Variants in PDZD2 observed in about 807,000 individuals in gnomAD.
PDZD2 encodes PDZ domain containing 2, also known as PDZ domain-containing protein 2.
Under a neutral mutation model 220.7 loss-of-function variants are expected in PDZD2, and 90 were observed. The observed-to-expected ratio is 0.41, with a 90% confidence interval of 0.34 to 0.49. The LOEUF (loss-of-function observed/expected upper bound fraction) is 0.49, where lower values mean the gene tolerates loss of function less well. PDZD2 is among the 20% of genes least tolerant of loss of function. The pLI, the probability that PDZD2 is intolerant of heterozygous loss-of-function variation, is 0.28. For synonymous variants in PDZD2, 1,375 were observed against 1,450.5 expected (o/e 0.95, Z 1.18); for missense variants, 3,174 against 3,608.5 (o/e 0.88, Z 3.08).
chr5:31,933,786 G>A (rs997046450), intron 2 of PDZD2, among the ~76,000 whole-genome samples: 2 of 152,046 alleles, frequency 1.3e-5, no homozygotes, highest in African/African-American at 4.8e-5. Flanking sequence ...TGATCTTCAG[G>A]GTCCCTCCCG....
intron 6 of PDZD2, among the ~76,000 whole-genome samples, chr5:32,025,526 A>AAAACAAAC (rs148530473): frequency 7.1e-6 from 1 of 140,174 alleles, no homozygotes; most frequent in Non-Finnish European, 1.5e-5. Flanking sequence ...ACTCTGTCAC[A>AAAACAAAC]AAACAAACAA....
At chr5:31,664,190 T>TG (rs986911309) in intron 1 of PDZD2, among the ~76,000 whole-genome samples, 8 of 152,078 alleles carry the variant, frequency 5.3e-5, no homozygotes, top group African/African-American at 1.9e-4. Flanking sequence ...TTTTTTGAGA[T>TG]GGGGGTCTTG....
chr5:31,786,798 G>A (rs981648107), intron 1 of PDZD2, among the ~76,000 whole-genome samples: 11 of 152,220 alleles, frequency 7.2e-5, no homozygotes, highest in African/African-American at 2.7e-4. Flanking sequence ...TAGTGGCAGA[G>A]TGTATTACTG....
At chr5:31,839,484 A>G (rs1757141223) in intron 2 of PDZD2, among the ~76,000 whole-genome samples, 1 of 152,222 alleles carries the variant, frequency 6.6e-6, no homozygotes, top group Non-Finnish European at 1.5e-5. Flanking sequence ...AAGGTTTAGA[A>G]CTGAGATCTG....
chr5:31,794,844 G>A (rs1212752132), intron 1 of PDZD2, among the ~76,000 whole-genome samples: 2 of 152,178 alleles, frequency 1.3e-5, no homozygotes, highest in Non-Finnish European at 1.5e-5. Flanking sequence ...TTAGGTGAAG[G>A]TCGAAGAACT....
intron 1 of PDZD2, among the ~76,000 whole-genome samples, chr5:31,706,130 A>G (rs1311968772): frequency 2.0e-5 from 3 of 152,200 alleles, no homozygotes; most frequent in Admixed American, 6.5e-5. Context: ...TGGATCCCAC[A>G]CAACTGGATT....
intron 1 of PDZD2, among the ~76,000 whole-genome samples, chr5:31,779,579 T>A (rs1417698151): frequency 6.6e-6 from 1 of 151,960 alleles, no homozygotes; most frequent in African/African-American, 2.4e-5. Context: ...TTCACCATGT[T>A]AGCCAGGATG....
At chr5:31,819,131 CT>C (rs1313578045) in intron 2 of PDZD2, among the ~76,000 whole-genome samples, 2 of 152,224 alleles carry the variant, frequency 1.3e-5, no homozygotes, top group African/African-American at 4.8e-5. Flanking sequence ...TACAAGTACT[CT>C]GTTAATGTCT....
At chr5:31,861,039 TAAAGG>T (rs1737659919) in intron 2 of PDZD2, among the ~76,000 whole-genome samples, 1 of 151,298 alleles carries the variant, frequency 6.6e-6, no homozygotes, top group South Asian at 2.1e-4. Context: ...CAATAAAGAG[TAAAGG>T]AAAGTCTGTC....
In PDZD2 at chr5:32,076,671, A is replaced by G. The variant is rs183215748; in HGVS notation, c.3538-791A>G. Among the ~76,000 whole-genome samples, 34 of 152,356 alleles carry G rather than the reference A, an allele frequency of 2.2e-4. No individual in the cohort carries two copies. The East Asian group carries it at 6.4e-3, about 28-fold the overall frequency. On this transcript the variant is annotated intron_variant, in intron 18 of 24. Transcript: ENST00000438447. The stretch of plus-strand genomic sequence containing the variant: ...GAAATTAACCATTTTGAAATGTACA[A>G]GTCAATGGCACTTAGTACATTCAGA...
chr5:32,050,971 G>A (rs180712667), intron 8 of PDZD2, among the ~76,000 whole-genome samples: 1 of 152,266 alleles, frequency 6.6e-6, no homozygotes, highest in Non-Finnish European at 1.5e-5. Flanking sequence ...GGCTAGTGGG[G>A]GGTGTATTTT....
intron 1 of PDZD2, among the ~76,000 whole-genome samples, chr5:31,690,399 G>A (rs1747070047): frequency 6.6e-6 from 1 of 152,130 alleles, no homozygotes; most frequent in African/African-American, 2.4e-5. Flanking sequence ...TCAGGATGGT[G>A]TCCTGGGCAT....
intron 6 of PDZD2, among the ~76,000 whole-genome samples, chr5:32,018,481 C>T (rs1753944689): frequency 6.6e-6 from 1 of 152,216 alleles, no homozygotes; most frequent in Non-Finnish European, 1.5e-5. Context: ...AAGCACAGAT[C>T]CCCCAACCTG....
intron 2 of PDZD2, among the ~76,000 whole-genome samples, chr5:31,909,890 G>A (rs1189098221): frequency 2.6e-5 from 4 of 152,052 alleles, no homozygotes; most frequent in African/African-American, 7.2e-5. Context: ...ATTCATGTAC[G>A]GTGCTGTCAC....
intron 2 of PDZD2, among the ~76,000 whole-genome samples, chr5:31,907,338 G>C (rs1742746519): frequency 6.6e-6 from 1 of 152,210 alleles, no homozygotes; most frequent in Non-Finnish European, 1.5e-5. Context: ...GAAGCAAGCT[G>C]TCTGGCATCT....
chr5:32,025,591 C>CTTTTTTTTTTTTTTTTTTT lies in PDZD2; in HGVS notation c.1408-11630_1408-11612dup, dbSNP rs70957998. On this transcript the variant is annotated intron_variant, in intron 6 of 24. Transcript: ENST00000438447. ...AGTGAGCCCAAATGTAACCATGATG[C>CTTTTTTTTTTTTTTTTTTT]TTTTTTTTTTTTTTTTTTTTTTTTT... Among the ~76,000 whole-genome samples the CTTTTTTTTTTTTTTTTTTT allele has an allele frequency of 8.9e-4, 60 of 67,518 alleles. 10 individuals are homozygous for CTTTTTTTTTTTTTTTTTTT. Among genetic ancestry groups the CTTTTTTTTTTTTTTTTTTT allele is most frequent in the African/African-American group, 2.4e-3 (36 of 15,240 alleles). The allele number at this position is 67,518 out of a possible 152,430, so 44.3% of individuals were successfully genotyped here.
At chr5:31,936,620 T>C (rs569303989) in intron 2 of PDZD2, among the ~76,000 whole-genome samples, 1 of 152,026 alleles carries the variant, frequency 6.6e-6, no homozygotes, top group African/African-American at 2.4e-5. Flanking sequence ...TAATTTAAAC[T>C]CATTTAAAAA....
chr5:31,883,069 G>C (rs1161749685), intron 2 of PDZD2, among the ~76,000 whole-genome samples: 7 of 130,668 alleles, frequency 5.4e-5, no homozygotes, highest in Non-Finnish European at 1.1e-4. Flanking sequence ...GCATAAGAAA[G>C]AAGGACAGAT....
At chr5:31,725,971 G>A in intron 1 of PDZD2, 1 of 578,236 alleles carries the variant, frequency 1.7e-6, no homozygotes, top group Admixed American at 2.9e-5. Flanking sequence ...TGATGAAATA[G>A]GCAGTCTTGG....
Sources: gnomAD v4.1 joint callset for allele counts (sites outside exome capture counted in the v4.1 genomes callset) on GRCh38, gnomAD v4.1.1 for gene constraint, MANE v1.5 for transcripts, NCBI Gene and HGNC (gene_info 2026-07-23, HGNC 2026-07-21) for gene names.